Variants in BRD2 observed in about 807,000 individuals in gnomAD.
BRD2 encodes bromodomain-containing protein 2.
A neutral mutation model predicts 79.1 loss-of-function variants in BRD2; 15 were observed. The ratio of observed to expected loss-of-function variants is 0.19; its 90% CI spans 0.13 to 0.29. The LOEUF (loss-of-function observed/expected upper bound fraction) is 0.29. BRD2 is among the 10% of genes least tolerant of loss of function. BRD2 has a pLI of 1.00. For missense variants in BRD2, 1,053 were observed against 991.3 expected (o/e 1.06, Z -0.84); for synonymous variants, 488 against 358.6 (o/e 1.36, Z -4.08).
chr6:32,971,705 C>T lies in BRD2; in HGVS notation c.-1194C>T. The stretch of plus-strand genomic sequence containing the variant: ...ACGCCCACGCGACCCCTCCCGTTTC[C>T]CTGCTTTGGCCAATGGAGGAGCTAC... On this transcript the variant is annotated 5_prime_UTR_variant, in exon 2 of 13. Coordinates refer to ENST00000374825, the MANE Select transcript of BRD2 (RefSeq NM_005104.4). The T allele has an allele frequency of 1.9e-6, 1 of 524,248 alleles. No homozygotes were observed. Among genetic ancestry groups the T allele is most frequent in the Non-Finnish European group, 3.4e-6 (1 of 297,660 alleles). The allele number at this position is 524,248 out of a possible 1,614,324, so 32.5% of individuals were successfully genotyped here. A position where few individuals can be genotyped will look rare whatever the true frequency, so the allele number is the denominator to read the frequency against.
chr6:32,976,464 G>GGT lies in BRD2; in HGVS notation c.825+1_825+2dup. On this transcript the variant is annotated frameshift_variant and splice_region_variant. Coordinates refer to ENST00000374825, the MANE Select transcript of BRD2 (RefSeq NM_005104.4). LOFTEE classifies it high-confidence loss of function. The stretch of plus-strand genomic sequence containing the variant: ...CTCCTCCAGCCCAGCCCCTTGCCAA[G>GGT]GTATGATCTGTGGATTTCCTCTGGG... 1 of 1,608,254 alleles carries GGT rather than the reference G, an allele frequency of 6.2e-7. No individual in the cohort carries two copies. Among genetic ancestry groups the GGT allele is most frequent in the South Asian group, 1.1e-5 (1 of 91,024 alleles).
Position 32,980,852 on chromosome 6 carries a change from C to T in BRD2, c.*134C>T. ...CCCCGCCCCCCTCTAGGAGAGCTGGCTCTGCAGTGGGGGAGGGATGCAGGG... is the reference window on the plus strand; with the variant it reads ...CCCCGCCCCCCTCTAGGAGAGCTGGTTCTGCAGTGGGGGAGGGATGCAGGG... On this transcript the variant is annotated 3_prime_UTR_variant, in exon 13 of 13. Transcript: ENST00000374825. 4 of 1,103,956 alleles carry T rather than the reference C, an allele frequency of 3.6e-6. No homozygotes were observed. The highest frequency in any genetic ancestry group is 5.2e-6 in the Non-Finnish European group (4 of 775,306). The allele number at this position is 1,103,956 out of a possible 1,614,324, so 68.4% of individuals were successfully genotyped here.
intron 2 of BRD2, chr6:32,973,278 G>A (rs1163512837): frequency 4.2e-6 from 4 of 958,782 alleles, no homozygotes; most frequent in Non-Finnish European, 6.0e-6. Flanking sequence ...TAGCCTTTTA[G>A]GGGGGATTCA....
rs1779477102 is a variant in BRD2, at chr6:32,981,006, A to T, written c.*288A>T. ...AAGGGTGGGAGTGTGCAAAGCCCTG[A>T]TCTGGAGTTACCTGAGGCCACAGCT... is the stretch of plus-strand genomic sequence containing the variant. On this transcript the variant is annotated 3_prime_UTR_variant, in exon 13 of 13. Transcript: ENST00000374825. The T allele has an allele frequency of 4.6e-6, 2 of 434,046 alleles. No individual in the cohort carries two copies. Among genetic ancestry groups the T allele is most frequent in the Admixed American group, 3.5e-5 (1 of 28,754 alleles). 26.9% of individuals were successfully genotyped at this position (434,046 alleles called of 1,614,324 possible). A position where few individuals can be genotyped will look rare whatever the true frequency, so the allele number is the denominator to read the frequency against.
rs769418089 is a variant in BRD2 at position 32,976,482 on chromosome 6, C to T, written c.825+18C>T. 34 of 1,605,630 alleles carry T rather than the reference C, an allele frequency of 2.1e-5. No individual in the cohort carries two copies. Among genetic ancestry groups the T allele is most frequent in the African/African-American group, 2.7e-5 (2 of 74,924 alleles). ...TTGCCAAGGTATGATCTGTGGATTT[C>T]CTCTGGGCAGCAGGGAGGCAAGGGT... On this transcript the variant is annotated intron_variant, in intron 6 of 12. Coordinates refer to ENST00000374825, the MANE Select transcript of BRD2 (RefSeq NM_005104.4).
In BRD2 at chr6:32,975,407, G is replaced by T. The variant is rs375792679; in HGVS notation, c.357G>T (p.Gln119His). Reference protein sequence around the residue: ...GLPDYHKIIKQPMDMGTIKRR... With the variant: ...GLPDYHKIIKHPMDMGTIKRR... ...AGGATTATCACAAAATTATAAAACAGCCTATGGACATGGGTACTATTAAGA... is the reference window on the plus strand; with the variant it reads ...AGGATTATCACAAAATTATAAAACATCCTATGGACATGGGTACTATTAAGA... Residue 119 changes from glutamine (Q) to histidine (H), a missense_variant, in exon 4 of 13, where the codon CAG (glutamine) becomes CAT (histidine). Gln to His is a conservative substitution (Grantham distance 24, BLOSUM62 0). Coordinates refer to ENST00000374825, the MANE Select transcript of BRD2 (RefSeq NM_005104.4). 6.2e-7 allele frequency: 1 copy of T among 1,608,170 alleles called. No individual in the cohort carries two copies. The highest frequency in any genetic ancestry group is 8.5e-7 in the Non-Finnish European group (1 of 1,176,100).
chr6:32,972,671 T>C lies in BRD2; in HGVS notation c.-228T>C. 1.6e-6 allele frequency: 1 copy of C among 626,728 alleles called. No homozygotes were observed. Among genetic ancestry groups the C allele is most frequent in the Non-Finnish European group, 2.8e-6 (1 of 360,762 alleles). 38.8% of individuals were successfully genotyped at this position (626,728 alleles called of 1,614,324 possible). On this transcript the variant is annotated 5_prime_UTR_variant, in exon 2 of 13. Coordinates refer to ENST00000374825, the MANE Select transcript of BRD2 (RefSeq NM_005104.4). ...CCCGCCTCAGCTGAGGCCGCCGCCA[T>C]TTTCTTGCTGTCCGCCGTCTGCAGA...
chr6:32,976,221 T>C (rs1366289099), intron 5 of BRD2, 29 bp from the exon 6 acceptor site: 5 of 1,610,844 alleles, frequency 3.1e-6, no homozygotes, highest in Admixed American at 1.7e-5. Context: ...GGGAAGAGAA[T>C]CAAACTACAC....
rs1778815669 is a variant in BRD2, at chr6:32,976,719, G to A, written c.983G>A (p.Arg328His). Reference sequence around the variant, plus strand: ...AGTGGTCGCCCCATCAAGCCCCCACGCAAAGACTTGCCTGACTCTCAGCAA... The same window carrying A: ...AGTGGTCGCCCCATCAAGCCCCCACACAAAGACTTGCCTGACTCTCAGCAA... ...RESGRPIKPP[R>H]KDLPDSQQQH... The change falls in exon 7 of 13, where the codon CGC becomes CAC. Residue 328 changes from arginine to histidine, a missense_variant. Physicochemically the swap from Arg to His is conservative, Grantham distance 29. This residue lies in a region of BRD2 where 454 missense variants were observed against 430.5 expected (regional missense o/e 1.05). Transcript: ENST00000374825. The A allele has an allele frequency of 1.9e-6, 3 of 1,613,222 alleles. No homozygotes were observed. The highest frequency in any genetic ancestry group is 8.5e-7 in the Non-Finnish European group (1 of 1,180,026).
At position 32,977,921 on chromosome 6, in the gene BRD2, T is replaced by C; in HGVS notation, c.1494T>C (p.Asp498=). ...CCTCTGAGGAAGAGGAGGAGGAAGA[T>C]GAGGAGGACGAGGAGGAAGAAGAGA... ...ESSSEEEEEE[D]EEDEEEEESE... Residue 498 remains aspartate (D), a synonymous_variant, in exon 9 of 13, where the codon GAT becomes GAC. Coordinates refer to ENST00000374825, the MANE Select transcript of BRD2 (RefSeq NM_005104.4). The C allele has an allele frequency of 6.2e-7, 1 of 1,612,630 alleles. No homozygotes were observed. The highest frequency in any genetic ancestry group is 8.5e-7 in the Non-Finnish European group (1 of 1,179,802).
At chr6:32,978,853 C>T (rs1412880901) in intron 10 of BRD2, 1 of 170,040 alleles carries the variant, frequency 5.9e-6, no homozygotes, top group Non-Finnish European at 1.2e-5. Context: ...GCTACTCTGA[C>T]AGTGAACTCA....
intron 11 of BRD2, 91 bp downstream of exon 11, chr6:32,980,223 G>A: frequency 1.3e-6 from 2 of 1,572,000 alleles, no homozygotes; most frequent in Admixed American, 1.8e-5. Flanking sequence ...TCAGCTCCCA[G>A]GATAATGGGA....
At chr6:32,980,538 A>C in intron 12 of BRD2, 44 bp from the exon 13 acceptor site, 1 of 1,612,438 alleles carries the variant, frequency 6.2e-7, no homozygotes, top group South Asian at 1.1e-5. Context: ...TGACAAATGA[A>C]GATTCAGACT....
chr6:32,975,183 T>TC, intron 3 of BRD2: 1 of 1,326,652 alleles, frequency 7.5e-7, no homozygotes, highest in South Asian at 1.3e-5. Context: ...AGCAGGGGCC[T>TC]CCCTGTGGAT....
chr6:32,978,554 A>G, intron 10 of BRD2, 166 bp downstream of exon 10: 1 of 1,105,736 alleles, frequency 9.0e-7, no homozygotes, highest in Non-Finnish European at 1.3e-6. Context: ...CGTGGAAGAC[A>G]GATTTTACCA....
chr6:32,970,574 C>G (rs1460869597), intron 1 of BRD2: 1 of 152,148 alleles, frequency 6.6e-6, no homozygotes, highest in South Asian at 2.1e-4. Flanking sequence ...TTCCCAGATA[C>G]GTACACAAGT....
rs200120201 is a variant in BRD2 at position 32,971,761 on chromosome 6, C to T, written c.-1138C>T. 3.4e-6 allele frequency: 2 copies of T among 596,246 alleles called. No individual in the cohort carries two copies. Among genetic ancestry groups the T allele is most frequent in the Non-Finnish European group, 6.0e-6 (2 of 335,922 alleles). 36.9% of individuals were successfully genotyped at this position (596,246 alleles called of 1,614,324 possible). On this transcript the variant is annotated 5_prime_UTR_variant, in exon 2 of 13. Coordinates refer to ENST00000374825, the MANE Select transcript of BRD2 (RefSeq NM_005104.4). ...GCACGACCTGCTCGAGCTTGGCAGT[C>T]TCCAGTTGGGCTGTGCATGGAAGCT...
At chr6:32,975,999 A>G in intron 4 of BRD2, 32 bp from the exon 5 acceptor site, 2 of 1,573,512 alleles carry the variant, frequency 1.3e-6, no homozygotes, top group Non-Finnish European at 1.7e-6. Flanking sequence ...GGCATTTTTT[A>G]ACTTTCTTTA....
intron 10 of BRD2, chr6:32,979,061 G>GTTTTTTTTTTTTTTT (rs1561957386): frequency 2.5e-5 from 2 of 78,932 alleles, no homozygotes; most frequent in East Asian, 3.1e-4. Flanking sequence ...TTTTTTGTTA[G>GTTTTTTTTTTTTTTT]TTTGTTTTTT....
Sources: gnomAD v4.1 joint callset for allele counts on GRCh38, gnomAD v4.1.1 for gene constraint, gnomAD v4.1.1 regional missense constraint, MANE v1.5 for transcripts, NCBI Gene and HGNC (gene_info 2026-07-23, HGNC 2026-07-21) for gene names.